The following MSRA variants were observed in gnomAD, a reference collection of about 807,000 sequenced individuals.
MSRA encodes the protein methionine sulfoxide reductase A.
A neutral mutation model predicts 31.3 loss-of-function variants in MSRA; 54 were observed. That is an observed-to-expected ratio of 1.73 (90% confidence interval 1.39 to 2.17). The LOEUF (loss-of-function observed/expected upper bound fraction) is 2.17, where lower values mean the gene tolerates loss of function less well. MSRA is among the 30% of genes most tolerant of loss of function. The probability of loss-of-function intolerance (pLI) is 0.00; values close to 1 mark genes in which losing one functional copy is unlikely to be tolerated. For synonymous variants in MSRA, 169 were observed against 116.5 expected (o/e 1.45, Z -2.90); for missense variants, 507 against 300.9 (o/e 1.69, Z -5.07).
chr8:10,231,448 G>A (rs181294559), intron 2 of MSRA, among the ~76,000 whole-genome samples: 32 of 152,286 alleles, frequency 2.1e-4, no homozygotes, highest in African/African-American at 6.3e-4. Context: ...TGAATTTCAC[G>A]TGTCAGGGAG....
At chr8:10,369,974 T>C (rs1220407655) in intron 5 of MSRA, among the ~76,000 whole-genome samples, 2 of 152,230 alleles carry the variant, frequency 1.3e-5, no homozygotes, top group Admixed American at 6.5e-5. Flanking sequence ...AAATCCTTGA[T>C]GGACACTTGG....
At chr8:10,426,501 C>T (rs1054318483) in intron 5 of MSRA, among the ~76,000 whole-genome samples, 3 of 152,224 alleles carry the variant, frequency 2.0e-5, no homozygotes, top group Non-Finnish European at 2.9e-5. Context: ...CAGAGTCCTG[C>T]GCTCATCCTC....
At chr8:10,378,716 A>T (rs2129173304) in intron 5 of MSRA, among the ~76,000 whole-genome samples, 1 of 152,334 alleles carries the variant, frequency 6.6e-6, no homozygotes, top group South Asian at 2.1e-4. Flanking sequence ...GAACTTGTTA[A>T]AAATGCAGAT....
At chr8:10,273,174 T>C (rs889499521) in intron 3 of MSRA, among the ~76,000 whole-genome samples, 3 of 152,218 alleles carry the variant, frequency 2.0e-5, no homozygotes, top group Non-Finnish European at 4.4e-5. Flanking sequence ...GTCTAAGTTA[T>C]AGTGAGTTGT....
At chr8:10,151,911 T>C (rs1803713919) in intron 1 of MSRA, among the ~76,000 whole-genome samples, 1 of 152,228 alleles carries the variant, frequency 6.6e-6, no homozygotes, top group Non-Finnish European at 1.5e-5. Flanking sequence ...ACTTGAAATG[T>C]TTAGCACAGT....
intron 1 of MSRA, among the ~76,000 whole-genome samples, chr8:10,122,350 G>A (rs1387454475): frequency 6.6e-6 from 1 of 152,186 alleles, no homozygotes; most frequent in East Asian, 1.9e-4. Context: ...CAGCAGAAAG[G>A]AGCTGAGTGT....
chr8:10,320,109 A>G, intron 5 of MSRA, 120 bp downstream of exon 5: 1 of 628,504 alleles, frequency 1.6e-6, no homozygotes. Context: ...CACATCTCTT[A>G]GAAATTTCTG....
intron 4 of MSRA, among the ~76,000 whole-genome samples, chr8:10,315,060 G>A (rs1471846347): frequency 6.6e-6 from 1 of 152,154 alleles, no homozygotes; most frequent in Non-Finnish European, 1.5e-5. Context: ...ATGGCAGCAG[G>A]CAAGAGAGTG....
At position 10,184,012 on chromosome 8, in the gene MSRA, TG is replaced by T. The variant is rs1168086637; in HGVS notation, c.143-23819del. ...GGTTTTCTTGGCTACTAGGTGGTGG[TG>T]GTGTTGGTGGTGTTGGTCTTGGTGG... On this transcript the variant is annotated intron_variant, in intron 1 of 5. Coordinates refer to ENST00000317173, the MANE Select transcript of MSRA (RefSeq NM_012331.5). Among the ~76,000 whole-genome samples, 21 of 53,646 alleles carry T rather than the reference TG, an allele frequency of 3.9e-4. No homozygotes were observed. The South Asian group carries it at 5.7e-3, about 14-fold the overall frequency. The allele number at this position is 53,646 out of a possible 152,430, so 35.2% of individuals were successfully genotyped here.
intron 5 of MSRA, among the ~76,000 whole-genome samples, chr8:10,419,623 C>G (rs1409293771): frequency 1.3e-5 from 2 of 152,170 alleles, no homozygotes; most frequent in Non-Finnish European, 2.9e-5. Context: ...GACACTGTAC[C>G]TGGTGCTTAA....
chr8:10,388,858 G>A (rs1806559176), intron 5 of MSRA, among the ~76,000 whole-genome samples: 1 of 151,420 alleles, frequency 6.6e-6, no homozygotes, highest in Non-Finnish European at 1.5e-5. Flanking sequence ...TGCTTCCCCT[G>A]CGACCCACCC....
intron 5 of MSRA, among the ~76,000 whole-genome samples, chr8:10,328,365 A>G (rs1050125991): frequency 5.3e-5 from 8 of 150,846 alleles, no homozygotes; most frequent in African/African-American, 1.9e-4. Context: ...TTTCCCTCCA[A>G]TGAATCAGAT....
At chr8:10,174,525 T>C (rs1484253573) in intron 1 of MSRA, among the ~76,000 whole-genome samples, 14 of 152,056 alleles carry the variant, frequency 9.2e-5, no homozygotes, top group African/African-American at 3.4e-4. Flanking sequence ...ACTTCCCAGC[T>C]CACCTCCCCT....
intron 4 of MSRA, among the ~76,000 whole-genome samples, chr8:10,311,399 A>C (rs1801423407): frequency 6.6e-6 from 1 of 152,188 alleles, no homozygotes; most frequent in African/African-American, 2.4e-5. Flanking sequence ...GAGCCTTATT[A>C]AGGACGTAGA....
chr8:10,058,251 G>GA (rs1405696377), intron 1 of MSRA, among the ~76,000 whole-genome samples: 8 of 151,738 alleles, frequency 5.3e-5, no homozygotes, highest in South Asian at 4.2e-4. Flanking sequence ...GTGGCTCTTT[G>GA]AAAAAAAATT....
intron 3 of MSRA, among the ~76,000 whole-genome samples, chr8:10,291,949 A>T (rs1378454001): frequency 6.6e-6 from 1 of 152,212 alleles, no homozygotes; most frequent in Non-Finnish European, 1.5e-5. Context: ...CACCATCGTT[A>T]CATTAGTCAC....
At chr8:10,281,449 A>G (rs1260179500) in intron 3 of MSRA, among the ~76,000 whole-genome samples, 1 of 152,190 alleles carries the variant, frequency 6.6e-6, no homozygotes, top group Non-Finnish European at 1.5e-5. Flanking sequence ...TCATCTATAA[A>G]CCCACTGGGA....
At chr8:10,387,933 T>C (rs947296838) in intron 5 of MSRA, among the ~76,000 whole-genome samples, 3 of 152,232 alleles carry the variant, frequency 2.0e-5, no homozygotes, top group Non-Finnish European at 2.9e-5. Context: ...TCAAAAATGC[T>C]TGGCATGCCA....
chr8:10,189,516 T>A (rs1338932182), intron 1 of MSRA, among the ~76,000 whole-genome samples: 1 of 152,196 alleles, frequency 6.6e-6, no homozygotes, highest in Non-Finnish European at 1.5e-5. Flanking sequence ...ATCTCCCTTG[T>A]TGACTAAAAA....
Sources: gnomAD v4.1 joint callset for allele counts (sites outside exome capture counted in the v4.1 genomes callset) on GRCh38, gnomAD v4.1.1 for gene constraint, MANE v1.5 for transcripts, NCBI Gene and HGNC (gene_info 2026-07-23, HGNC 2026-07-21) for gene names.